The following CSMD2 variants were observed in gnomAD, a reference collection of about 807,000 sequenced individuals.
CSMD2 encodes CUB and Sushi multiple domains 2, also known as CUB and sushi domain-containing protein 2.
CSMD2 carries 130 observed loss-of-function variants against 398.5 expected under a neutral mutation model. The ratio of observed to expected loss-of-function variants is 0.33; its 90% CI spans 0.28 to 0.38. The LOEUF (loss-of-function observed/expected upper bound fraction) is 0.38. Ranked by LOEUF, CSMD2 falls within the 10% of genes least tolerant of loss-of-function variation. The pLI, the probability that CSMD2 is intolerant of heterozygous loss-of-function variation, is 1.00. For missense variants in CSMD2, 3,829 were observed against 4,764.9 expected, an observed-to-expected ratio of 0.80 and a Z score of 5.78; for synonymous variants, 1,828 against 1,908.5, an observed-to-expected ratio of 0.96 and a Z score of 1.10.
chr1:33,841,269 G>A (rs1409948083), intron 6 of CSMD2, among the ~76,000 whole-genome samples: 2 of 152,282 alleles, frequency 1.3e-5, no homozygotes, highest in South Asian at 2.1e-4. Context: ...GTCTAAGGGA[G>A]AGCCAGAGGC....
chr1:33,990,925 C>T (rs1232295175), intron 3 of CSMD2, among the ~76,000 whole-genome samples: 1 of 151,564 alleles, frequency 6.6e-6, no homozygotes, highest in Non-Finnish European at 1.5e-5. Flanking sequence ...ATGGGTCATA[C>T]TTATAATAGA....
In CSMD2 at chr1:33,550,174, T is replaced by TA. The variant is rs1317001157; in HGVS notation, c.8917+2dup. 6.2e-7 allele frequency: 1 copy of TA among 1,613,196 alleles called. No individual in the cohort carries two copies. The highest frequency in any genetic ancestry group is 8.5e-7 in the Non-Finnish European group (1 of 1,179,700). On this transcript the variant is annotated splice_region_variant and intron_variant, in intron 56 of 70. Transcript: ENST00000373381. Reference sequence around the variant, plus strand: ...GCTCTTTCCTCAATGCCATGCACCATACCTGAGCAGTGAGGGAGGGAGCCA... The same window carrying TA: ...GCTCTTTCCTCAATGCCATGCACCATAACCTGAGCAGTGAGGGAGGGAGCCA...
Position 33,540,523 on chromosome 1 carries a change from A to G in CSMD2, c.9631+2T>C, listed in dbSNP as rs1175910118. 1 of 1,614,102 alleles carries G rather than the reference A, an allele frequency of 6.2e-7. No homozygotes were observed. The highest frequency in any genetic ancestry group is 1.1e-5 in the South Asian group (1 of 91,068). Reference sequence around the variant, plus strand: ...CACCAAAGGCCCTTGTAAGCAACTTACGGAAACACTGAGGCAGCTCTCCGG... The same window carrying G: ...CACCAAAGGCCCTTGTAAGCAACTTGCGGAAACACTGAGGCAGCTCTCCGG... On this transcript the variant is annotated splice_donor_variant, in intron 60 of 70. Coordinates refer to ENST00000373381, the MANE Select transcript of CSMD2 (RefSeq NM_001281956.2). LOFTEE classifies it high-confidence loss of function.
At chr1:34,036,317 A>C (rs1039858277) in intron 2 of CSMD2, among the ~76,000 whole-genome samples, 1 of 152,212 alleles carries the variant, frequency 6.6e-6, no homozygotes, top group Non-Finnish European at 1.5e-5. Context: ...ATACCACAGA[A>C]TACTACTCAG....
intron 44 of CSMD2, among the ~76,000 whole-genome samples, chr1:33,593,797 T>A (rs1639651298): frequency 6.6e-6 from 1 of 152,254 alleles, no homozygotes; most frequent in Admixed American, 6.5e-5. Flanking sequence ...TTGCTGTATC[T>A]TTGTCCCTAC....
intron 10 of CSMD2, among the ~76,000 whole-genome samples, chr1:33,796,390 A>G (rs898315267): frequency 2.6e-5 from 4 of 152,262 alleles, no homozygotes; most frequent in Admixed American, 6.5e-5. Context: ...ATGGACATAT[A>G]TCAGTTCCCA....
intron 2 of CSMD2, among the ~76,000 whole-genome samples, chr1:34,037,730 C>A (rs770763458): frequency 2.0e-5 from 3 of 152,184 alleles, no homozygotes; most frequent in Non-Finnish European, 4.4e-5. Context: ...CTCACCAGGC[C>A]TTCTCCTATG....
At chr1:33,963,407 A>G (rs972920584) in intron 3 of CSMD2, among the ~76,000 whole-genome samples, 3 of 152,228 alleles carry the variant, frequency 2.0e-5, no homozygotes, top group Admixed American at 2.0e-4. Context: ...TTTAAAGTGT[A>G]CACACTTTAT....
chr1:34,087,743 C>G (rs894883691), intron 2 of CSMD2, among the ~76,000 whole-genome samples: 1 of 152,098 alleles, frequency 6.6e-6, no homozygotes, highest in African/African-American at 2.4e-5. Context: ...ATGCCTGCCT[C>G]CCCATTAGCA....
In CSMD2 at chr1:34,031,294, C is replaced by T. The variant is rs556310682; in HGVS notation, c.517+1300G>A. Among the ~76,000 whole-genome samples the T allele has an allele frequency of 4.6e-5, 7 of 152,124 alleles. No individual in the cohort carries two copies. In the East Asian group the frequency reaches 1.4e-3, roughly 29 times the overall value. The stretch of plus-strand genomic sequence containing the variant: ...CCCAGGATGGTCTCAAACTCCTGGC[C>T]TCAAGTGATTCACTCGCCTCGTCCT... On this transcript the variant is annotated intron_variant, in intron 3 of 70. Transcript: ENST00000373381.
At chr1:33,828,398 G>A (rs1386690857) in intron 6 of CSMD2, among the ~76,000 whole-genome samples, 7 of 152,202 alleles carry the variant, frequency 4.6e-5, no homozygotes, top group African/African-American at 1.7e-4. Flanking sequence ...GGCAGCAGTG[G>A]GTGAGGGGTC....
chr1:33,576,366 G>A (rs562828583), intron 49 of CSMD2, among the ~76,000 whole-genome samples: 71 of 152,216 alleles, frequency 4.7e-4, no homozygotes, highest in African/African-American at 1.6e-3. Flanking sequence ...CGAGGTGGGC[G>A]GATCACCTGA....
At chr1:33,597,621 C>G (rs1639926974) in intron 44 of CSMD2, among the ~76,000 whole-genome samples, 1 of 152,192 alleles carries the variant, frequency 6.6e-6, no homozygotes, top group African/African-American at 2.4e-5. Flanking sequence ...CAAGGATGTA[C>G]AGCAAAAGGA....
chr1:33,933,374 T>C (rs1248817225), intron 4 of CSMD2, among the ~76,000 whole-genome samples: 1 of 152,190 alleles, frequency 6.6e-6, no homozygotes, highest in Non-Finnish European at 1.5e-5. Flanking sequence ...TTGCTGAGTA[T>C]TTTACTTCCC....
rs555118863 is a variant in CSMD2 at position 33,697,524 on chromosome 1, G to A, written c.3925+1229C>T. ...TTAAAGATCCTGTGAAAATGTAGTCGTCTAGGGGAAAAGCATCTGTGGCCT... is the reference window on the plus strand; with the variant it reads ...TTAAAGATCCTGTGAAAATGTAGTCATCTAGGGGAAAAGCATCTGTGGCCT... On this transcript the variant is annotated intron_variant, in intron 24 of 70. Coordinates refer to ENST00000373381, the MANE Select transcript of CSMD2 (RefSeq NM_001281956.2). Among the ~76,000 whole-genome samples, 8 of 152,268 alleles carry A rather than the reference G, an allele frequency of 5.3e-5. No homozygotes were observed. The East Asian group carries it at 5.8e-4, about 11-fold the overall frequency.
At chr1:33,785,020 G>A (rs759825912) in intron 12 of CSMD2, among the ~76,000 whole-genome samples, 5 of 152,158 alleles carry the variant, frequency 3.3e-5, no homozygotes, top group African/African-American at 4.8e-5. Flanking sequence ...AGAACCTGAC[G>A]TAGTCCCTGT....
intron 25 of CSMD2, among the ~76,000 whole-genome samples, chr1:33,691,838 C>T (rs1645251494): frequency 6.6e-6 from 1 of 152,134 alleles, no homozygotes; most frequent in Admixed American, 6.5e-5. Context: ...CATGTGTTTC[C>T]CCTACTCCAG....
chr1:33,944,238 C>CCCG (rs1553258915), intron 3 of CSMD2, among the ~76,000 whole-genome samples: 1 of 152,026 alleles, frequency 6.6e-6, no homozygotes, highest in African/African-American at 2.4e-5. Context: ...ACGCCCCCCC[C>CCCG]CCAACTCCTG....
chr1:33,832,688 T>C (rs1037184267), intron 6 of CSMD2, among the ~76,000 whole-genome samples: 3 of 150,794 alleles, frequency 2.0e-5, no homozygotes, highest in Admixed American at 2.0e-4. Flanking sequence ...CAAAAAACCC[T>C]TCAAAAAATT....
Sources: gnomAD v4.1 joint callset for allele counts (sites outside exome capture counted in the v4.1 genomes callset) on GRCh38, gnomAD v4.1.1 for gene constraint, MANE v1.5 for transcripts, NCBI Gene and HGNC (gene_info 2026-07-23, HGNC 2026-07-21) for gene names.